Variants in SCRIB observed in about 807,000 individuals in gnomAD.
The protein encoded by SCRIB is protein scribble homolog.
Under a neutral mutation model 170.0 loss-of-function variants are expected in SCRIB, and 72 were observed. That is an observed-to-expected ratio of 0.42 (90% CI 0.35 to 0.52). SCRIB has a LOEUF of 0.52. Ranked by LOEUF, SCRIB falls within the 20% of genes least tolerant of loss-of-function variation. SCRIB has a pLI of 0.02. For synonymous variants in SCRIB, 1,298 were observed against 1,044.3 expected, an observed-to-expected ratio of 1.24 and a Z score of -4.68; for missense variants, 2,475 against 2,338.5, an observed-to-expected ratio of 1.06 and a Z score of -1.20.
chr8:143,809,412 CT>C, intron 14 of SCRIB, 138 bp downstream of exon 14: 1 of 989,722 alleles, frequency 1.0e-6, no homozygotes, highest in Non-Finnish European at 1.5e-6. Flanking sequence ...CGTAGCCACT[CT>C]GTACAGGGCA....
rs781850430 is a variant in SCRIB at position 143,792,826 on chromosome 8, G to A, written c.4059C>T (p.Ser1353=). 4 of 1,547,504 alleles carry A rather than the reference G, an allele frequency of 2.6e-6. No homozygotes were observed. The African/African-American group carries it at 4.1e-5, about 16-fold the overall frequency. ...PGPAASPEQL[S]FRERQKYFEL... ...CAAAGTACTTCTGCCGCTCCCGGAA[G>A]GACAGCTGCTCCGGGGAGGCTGCAG... The change falls in exon 30 of 37, where the codon TCC becomes TCT. Residue 1353 remains serine (S), a synonymous_variant. Transcript: ENST00000356994.
chr8:143,807,346 G>A (rs1258870839), intron 16 of SCRIB, among the ~76,000 whole-genome samples: 1 of 152,202 alleles, frequency 6.6e-6, no homozygotes, highest in African/African-American at 2.4e-5. Flanking sequence ...CGGCTGATGG[G>A]AGCTGGACCA....
At chr8:143,808,384 C>T (rs1470405266) in intron 15 of SCRIB, among the ~76,000 whole-genome samples, 1 of 144,440 alleles carries the variant, frequency 6.9e-6, no homozygotes, top group African/African-American at 2.5e-5. Flanking sequence ...GAGACCAACG[C>T]CAGGGCAGGC....
In SCRIB at chr8:143,807,625, A is replaced by C. The variant is rs1207168978; in HGVS notation, c.2116-11T>G. 5 of 1,611,584 alleles carry C rather than the reference A, an allele frequency of 3.1e-6. No homozygotes were observed. Among genetic ancestry groups the C allele is most frequent in the Non-Finnish European group, 4.2e-6 (5 of 1,177,900 alleles). On this transcript the variant is annotated splice_polypyrimidine_tract_variant and intron_variant, in intron 15 of 36. Coordinates refer to ENST00000356994, the MANE Select transcript of SCRIB (RefSeq NM_182706.5). Reference sequence around the variant, plus strand: ...GTCAAACGACACTCCCTGTTAGGACAGGACCAGTGAGGCATGCAGGTTAGC... The same window carrying C: ...GTCAAACGACACTCCCTGTTAGGACCGGACCAGTGAGGCATGCAGGTTAGC...
rs1815570045 is a variant in SCRIB at position 143,808,967 on chromosome 8, T to G, written c.1757A>C (p.Glu586Ala). The change falls in exon 15 of 37, where the codon GAG becomes GCG. Residue 586 changes from glutamate (E) to alanine (A), a missense_variant. Around this residue, in one of 3 missense-constraint regions of SCRIB, gnomAD observed 1,966 missense variants for 1,742.9 expected, o/e 1.13. Transcript: ENST00000356994. ...LLPGDDREIEEGQPEAPWTLP... is the reference protein window; with the variant it reads ...LLPGDDREIEAGQPEAPWTLP... ...GGTCCAGGGGGCCTCAGGCTGCCCC[T>G]CCTCGATCTCCCTGTCATCCCCGGG... is the stretch of plus-strand genomic sequence containing the variant. 1 of 1,613,028 alleles carries G rather than the reference T, an allele frequency of 6.2e-7. No individual in the cohort carries two copies.
In SCRIB at chr8:143,808,651, C is replaced by T. The variant is rs762857495; in HGVS notation, c.2073G>A (p.Glu691=). ...RAEEEEASTE[E]EDKEGAVVSA... Reference sequence around the variant, plus strand: ...AAACCACGGCCCCCTCCTTGTCCTCCTCCTCAGTGCTGGCCTCTTCCTCTT... The same window carrying T: ...AAACCACGGCCCCCTCCTTGTCCTCTTCCTCAGTGCTGGCCTCTTCCTCTT... Residue 691 remains glutamate (E), a synonymous_variant, in exon 15 of 37, where the codon GAG becomes GAA. Coordinates refer to ENST00000356994, the MANE Select transcript of SCRIB (RefSeq NM_182706.5). 7.2e-6 allele frequency: 11 copies of T among 1,517,396 alleles called. No individual in the cohort carries two copies. In the East Asian group the frequency reaches 2.3e-4, roughly 32 times the overall value. The allele number at this position is 1,517,396 out of a possible 1,614,324, so 94.0% of individuals were successfully genotyped here.
At chr8:143,811,101 G>A in intron 10 of SCRIB, 29 bp from the exon 11 acceptor site, 1 of 1,606,528 alleles carries the variant, frequency 6.2e-7, no homozygotes, top group Non-Finnish European at 8.5e-7. Flanking sequence ...CAGTCAGCAG[G>A]CGTTGGGGCC....
chr8:143,792,720 G>T lies in SCRIB; in HGVS notation c.4165C>A (p.Gln1389Lys). The part of the protein sequence containing the change: ...LVGADDLRKM[Q>K]EEEARKLQQK... The stretch of plus-strand genomic sequence containing the variant: ...CCGTGCCCCTCACCTTCCTCCTCCT[G>T]CATCTTCCGCAGGTCGTCAGCACCC... The change falls in exon 30 of 37, where the codon CAG becomes AAG. Residue 1389 changes from glutamine to lysine, a missense_variant. Physicochemically the swap from Gln to Lys is moderately conservative, Grantham distance 53. This residue lies in a region of SCRIB where 1,966 missense variants were observed against 1,742.9 expected (regional missense o/e 1.13). Coordinates refer to ENST00000356994, the MANE Select transcript of SCRIB (RefSeq NM_182706.5). The T allele has an allele frequency of 6.3e-7, 1 of 1,587,638 alleles. No homozygotes were observed.
rs1815884944 is a variant in SCRIB at position 143,813,903 on chromosome 8, C to T, written c.278-7G>A. 1 of 1,606,540 alleles carries T rather than the reference C, an allele frequency of 6.2e-7. No homozygotes were observed. The highest frequency in any genetic ancestry group is 8.5e-7 in the Non-Finnish European group (1 of 1,175,042). ...TCCGGGATCTCAGGGATATCTGTCA[C>T]AGAGGGTCACAGTGGACAGATGCCA... On this transcript the variant is annotated splice_polypyrimidine_tract_variant and splice_region_variant and intron_variant, in intron 2 of 36. Coordinates refer to ENST00000356994, the MANE Select transcript of SCRIB (RefSeq NM_182706.5).
At position 143,795,543 on chromosome 8, in the gene SCRIB, G is replaced by A; in HGVS notation, c.3604-13C>T. 3 of 1,603,036 alleles carry A rather than the reference G, an allele frequency of 1.9e-6. No homozygotes were observed. The highest frequency in any genetic ancestry group is 1.7e-6 in the Non-Finnish European group (2 of 1,173,686). ...CACCTGGGGACACCTGAGAAGAGGG[G>A]TGTGGGCTAAGAAGGGGGGACTGCA... On this transcript the variant is annotated splice_polypyrimidine_tract_variant and intron_variant, in intron 24 of 36. Transcript: ENST00000356994.
intron 15 of SCRIB, among the ~76,000 whole-genome samples, chr8:143,808,406 G>C (rs1224778727): frequency 6.8e-6 from 1 of 148,068 alleles, no homozygotes; most frequent in Admixed American, 6.7e-5. Context: ...TGGAGTCCAA[G>C]CATGGACTGA....
Position 143,815,676 on chromosome 8 carries a change from C to T in SCRIB, c.-304G>A, listed in dbSNP as rs968792946. The stretch of plus-strand genomic sequence containing the variant: ...TCCTGCTCAGCTCGTCCCGCCCGCT[C>T]GTCCGCCCGCTGTGCCGCACCGGAA... On this transcript the variant is annotated 5_prime_UTR_variant, in exon 1 of 37. Transcript: ENST00000356994. 3 of 983,074 alleles carry T rather than the reference C, an allele frequency of 3.1e-6. No homozygotes were observed. Among genetic ancestry groups the T allele is most frequent in the South Asian group, 4.7e-5 (1 of 21,270 alleles). The allele number at this position is 983,074 out of a possible 1,614,324, so 60.9% of individuals were successfully genotyped here.
intron 14 of SCRIB, 44 bp downstream of exon 14, chr8:143,809,507 A>C (rs909572873): frequency 6.3e-7 from 1 of 1,578,566 alleles, no homozygotes; most frequent in Non-Finnish European, 8.6e-7. Context: ...GGCAGCCCCC[A>C]CCCAGCAGGC....
chr8:143,795,602 C>G, intron 24 of SCRIB, 72 bp from the exon 25 acceptor site: 15 of 1,302,082 alleles, frequency 1.2e-5, no homozygotes, highest in Non-Finnish European at 1.5e-5. Context: ...AGGCTGGGGT[C>G]CCAGCCCAGA....
intron 24 of SCRIB, among the ~76,000 whole-genome samples, chr8:143,802,669 G>C (rs1815223226): frequency 6.6e-6 from 1 of 152,264 alleles, no homozygotes; most frequent in Non-Finnish European, 1.5e-5. Context: ...AACTGCTGAG[G>C]CCTGCTGCAG....
chr8:143,793,827 GC>G (rs1379568180), intron 28 of SCRIB, 72 bp downstream of exon 28: 1 of 1,455,734 alleles, frequency 6.9e-7, no homozygotes, highest in East Asian at 2.3e-5. Context: ...TGGAGGAGGG[GC>G]CCTGTGCACA....
chr8:143,806,988 G>C lies in SCRIB; in HGVS notation c.2204C>G (p.Thr735Ser), dbSNP rs782265174. 15 of 1,613,254 alleles carry C rather than the reference G, an allele frequency of 9.3e-6. No homozygotes were observed. In the South Asian group the frequency reaches 1.7e-4, roughly 18 times the overall value. ...EELTLTILRQ[T>S]GGLGISIAGG... Reference sequence around the variant, plus strand: ...CGCAATGCTGATGCCCAGGCCCCCAGTCTGCCGCAGGATAGTGAGGGTCAG... The same window carrying C: ...CGCAATGCTGATGCCCAGGCCCCCACTCTGCCGCAGGATAGTGAGGGTCAG... The change falls in exon 17 of 37, where the codon ACT (threonine) becomes AGT (serine). Residue 735 changes from threonine to serine, a missense_variant. Thr to Ser is a moderately conservative substitution (Grantham distance 58, BLOSUM62 1). This residue lies in a region of SCRIB where 1,966 missense variants were observed against 1,742.9 expected (regional missense o/e 1.13). Coordinates refer to ENST00000356994, the MANE Select transcript of SCRIB (RefSeq NM_182706.5).
In SCRIB at chr8:143,805,363, C is replaced by G; in HGVS notation, c.2419G>C (p.Val807Leu). 1 of 1,550,254 alleles carries G rather than the reference C, an allele frequency of 6.5e-7. No individual in the cohort carries two copies. Among genetic ancestry groups the G allele is most frequent in the Non-Finnish European group, 8.7e-7 (1 of 1,153,838 alleles). ...VEALRGAGTA[V>L]QMRVWRERMV... ...CGCTCCCGCCACACTCGCATCTGCA[C>G]GGCAGTGCCGGCCCCCCGGAGCGCC... The change falls in exon 19 of 37, where the codon GTG becomes CTG. Residue 807 changes from valine (V) to leucine (L), a missense_variant. By Grantham distance (32) the Val-to-Leu change is conservative (BLOSUM62 1). This residue lies in a region of SCRIB where 1,966 missense variants were observed against 1,742.9 expected (regional missense o/e 1.13). Coordinates refer to ENST00000356994, the MANE Select transcript of SCRIB (RefSeq NM_182706.5).
intron 27 of SCRIB, 113 bp from the exon 28 acceptor site, chr8:143,794,075 C>A: frequency 1.0e-6 from 1 of 953,564 alleles, no homozygotes; most frequent in Non-Finnish European, 1.6e-6. Context: ...TTCAGTTCCC[C>A]AACCTGACTA....
Sources: allele counts gnomAD v4.1 joint callset (sites outside exome capture counted in the v4.1 genomes callset), GRCh38; gene constraint gnomAD v4.1.1; regional missense constraint gnomAD v4.1.1; transcripts MANE v1.5; gene names NCBI Gene and HGNC (gene_info 2026-07-23, HGNC 2026-07-21).